GPRC5C: variants seen among roughly 807,000 people sequenced by gnomAD.
GPRC5C encodes G protein-coupled receptor family C group 5 member C.
In GPRC5C, 22 loss-of-function variants were observed where a neutral mutation model predicts 31.4. The ratio of observed to expected loss-of-function variants is 0.70; its 90% confidence interval spans 0.50 to 1.00. GPRC5C has a LOEUF of 1.00. Among genes scored for constraint, GPRC5C ranks in the 50% least tolerant of loss-of-function variants. GPRC5C has a pLI of 0.00. For synonymous variants in GPRC5C, 249 were observed against 257.5 expected (o/e 0.97, Z 0.32); for missense variants, 557 against 597.2 (o/e 0.93, Z 0.70).
At chr17:74,444,610 C>A (rs1220980163) in intron 3 of GPRC5C, among the ~76,000 whole-genome samples, 1 of 152,178 alleles carries the variant, frequency 6.6e-6, no homozygotes, top group East Asian at 1.9e-4. Flanking sequence ...TCATCCCCCT[C>A]CCCGCCCTCT....
downstream of GPRC5C, among the ~76,000 whole-genome samples, chr17:74,447,964 G>A (rs1435610253): frequency 6.6e-6 from 1 of 152,206 alleles, no homozygotes; most frequent in East Asian, 1.9e-4. Flanking sequence ...TGACAAAAGT[G>A]CAAAGGGTTG....
intron 3 of GPRC5C, among the ~76,000 whole-genome samples, chr17:74,444,272 C>T (rs1226931592): frequency 6.6e-6 from 1 of 152,146 alleles, no homozygotes; most frequent in Non-Finnish European, 1.5e-5. Flanking sequence ...AGGGTCTCAG[C>T]CAGGTGCTCC....
Position 74,447,243 on chromosome 17 carries a change from C to A in GPRC5C, c.*215C>A. 7.6e-7 allele frequency: 1 copy of A among 1,308,092 alleles called. No homozygotes were observed. The allele number at this position is 1,308,092 out of a possible 1,614,324, so 81.0% of individuals were successfully genotyped here. On this transcript the variant is annotated 3_prime_UTR_variant, in exon 4 of 4. Transcript: ENST00000392627. ...TGTGGAGTCGAGGAGCCAACCCCAG[C>A]CTCCTGCCAGGATCACCTCGGCGGT...
intron 1 of GPRC5C, chr17:74,432,607 A>G (rs57063902): frequency 0.062 from 46,975 of 753,404 alleles, 8,989 homozygotes; most frequent in African/African-American, 0.56. Flanking sequence ...AGGCGGGGGG[A>G]CTGGACATCC....
At chr17:74,449,516 G>A (rs1464288701), downstream of GPRC5C, 4 of 398,028 alleles carry the variant, frequency 1.0e-5, no homozygotes, top group African/African-American at 4.2e-5. Context: ...GTGGGCCCCC[G>A]TGAAGCCCTG....
intron 1 of GPRC5C, among the ~76,000 whole-genome samples, chr17:74,439,378 T>C (rs2055490293): frequency 6.6e-6 from 1 of 152,142 alleles, no homozygotes; most frequent in African/African-American, 2.4e-5. Flanking sequence ...AGGTACTGGG[T>C]GGGTGGTATG....
chr17:74,438,160 AAGTAG>A lies in GPRC5C; in HGVS notation c.-32-1584_-32-1580del, dbSNP rs534811647. 5.8e-3 allele frequency among the ~76,000 whole-genome samples: 828 copies of A among 141,594 alleles called. 4 individuals carry two copies. Among genetic ancestry groups the A allele is most frequent in the Non-Finnish European group, 8.2e-3 (540 of 65,924 alleles). The allele number at this position is 141,594 out of a possible 152,430, so 92.9% of individuals were successfully genotyped here. ...GATGATCCTCTAACCTCAGCCTCCC[AAGTAG>A]CTCAGACTACAGGTGCATGCCACCA... On this transcript the variant is annotated intron_variant, in intron 1 of 3. Coordinates refer to ENST00000392627, the MANE Select transcript of GPRC5C (RefSeq NM_022036.4).
Position 74,440,309 on chromosome 17 carries a change from C to A in GPRC5C, c.533C>A (p.Thr178Asn). 1.9e-6 allele frequency: 3 copies of A among 1,614,204 alleles called. No homozygotes were observed. Among genetic ancestry groups the A allele is most frequent in the Non-Finnish European group, 2.5e-6 (3 of 1,180,026 alleles). The change falls in exon 2 of 4, where the codon ACC becomes AAC. Residue 178 changes from threonine (T) to asparagine (N), a missense_variant. By Grantham distance (65) the Thr-to-Asn change is moderately conservative (BLOSUM62 0). Transcript: ENST00000392627. This position sits in a 1 kb window ranked among gnomAD's most constrained non-coding sequence, Gnocchi z 4.4. ...VIINTEWLII[T>N]LVRGSGEGGP... ...ATCAATACAGAGTGGCTGATCATCA[C>A]CCTGGTTCGGGGCAGTGGCGAGGGC...
chr17:74,440,032 C>A lies in GPRC5C; in HGVS notation c.256C>A (p.Leu86Met), dbSNP rs2144420605. 1 of 1,611,076 alleles carries A rather than the reference C, an allele frequency of 6.2e-7. No homozygotes were observed. Among genetic ancestry groups the A allele is most frequent in the Non-Finnish European group, 8.5e-7 (1 of 1,180,024 alleles). ...PFVQDTKKRS[L>M]LGTQVFFLLG... ...TGTGCAGGACACCAAGAAACGGAGC[C>A]TGCTGGGGACCCAGGTATTCTTCCT... The change falls in exon 2 of 4, where the codon CTG (leucine) becomes ATG (methionine). Residue 86 changes from leucine to methionine, a missense_variant. Coordinates refer to ENST00000392627, the MANE Select transcript of GPRC5C (RefSeq NM_022036.4). The surrounding 1 kb of genome is among the most constrained non-coding windows in gnomAD (Gnocchi z 4.4).
chr17:74,447,162 C>G lies in GPRC5C; in HGVS notation c.*134C>G. 1 of 1,451,894 alleles carries G rather than the reference C, an allele frequency of 6.9e-7. No individual in the cohort carries two copies. Among genetic ancestry groups the G allele is most frequent in the South Asian group, 1.4e-5 (1 of 69,278 alleles). The allele number at this position is 1,451,894 out of a possible 1,614,324, so 89.9% of individuals were successfully genotyped here. A position where few individuals can be genotyped will look rare whatever the true frequency, so the allele number is the denominator to read the frequency against. ...GTGCCCCAGATCTGGAAGGGCCTCC[C>G]TCTCTGCCAGTGTTTGGGTGGGTGT... On this transcript the variant is annotated 3_prime_UTR_variant, in exon 4 of 4. Transcript: ENST00000392627.
chr17:74,432,177 T>C, intron 1 of GPRC5C, 36 bp downstream of exon 1: 2 of 1,593,784 alleles, frequency 1.3e-6, no homozygotes, highest in Non-Finnish European at 8.5e-7. Flanking sequence ...CAGGCTTTGT[T>C]CCTGTGTAAA....
In GPRC5C at chr17:74,440,139, C is replaced by A. The variant is rs1471766671; in HGVS notation, c.363C>A (p.Phe121Leu). Residue 121 changes from phenylalanine to leucine, a missense_variant, in exon 2 of 4, where the codon TTC becomes TTA. Transcript: ENST00000392627. The surrounding 1 kb of genome is among the most constrained non-coding windows in gnomAD (Gnocchi z 4.4). ...TCTCCACCTGTGCCTCTCGGCGCTT[C>A]CTCTTTGGGGTTCTGTTCGCCATCT... ...PDFSTCASRRFLFGVLFAICF... is the reference protein window; with the variant it reads ...PDFSTCASRRLLFGVLFAICF... The A allele has an allele frequency of 3.1e-6, 5 of 1,614,212 alleles. No individual in the cohort carries two copies. In the Admixed American group the frequency reaches 5.0e-5, roughly 16 times the overall value.
In GPRC5C at chr17:74,440,937, T is replaced by A; in HGVS notation, c.1051+110T>A. On this transcript the variant is annotated intron_variant, in intron 2 of 3. Transcript: ENST00000392627. This position sits in a 1 kb window ranked among gnomAD's most constrained non-coding sequence, Gnocchi z 4.4. The stretch of plus-strand genomic sequence containing the variant: ...AATGGAAAGTTTTTGAGGTTTTCTG[T>A]AGTTTTCTGCCTAAGTGTCTCTAAA... 1 of 979,536 alleles carries A rather than the reference T, an allele frequency of 1.0e-6. No homozygotes were observed. Among genetic ancestry groups the A allele is most frequent in the Non-Finnish European group, 1.4e-6 (1 of 724,490 alleles). The allele number at this position is 979,536 out of a possible 1,614,324, so 60.7% of individuals were successfully genotyped here. A position where few individuals can be genotyped will look rare whatever the true frequency, so the allele number is the denominator to read the frequency against.
chr17:74,439,846 CAGGGCCATGT>C lies in GPRC5C; in HGVS notation c.71_80del (p.Gln24ProfsTer83). 2 of 1,613,624 alleles carry C rather than the reference CAGGGCCATGT, an allele frequency of 1.2e-6. No individual in the cohort carries two copies. Among genetic ancestry groups the C allele is most frequent in the Non-Finnish European group, 1.7e-6 (2 of 1,180,028 alleles). On this transcript the variant is annotated frameshift_variant, in exon 2 of 4. Transcript: ENST00000392627. LOFTEE classifies it high-confidence loss of function. Reference sequence around the variant, plus strand: ...CTTCCTGTTCCCAGGGGCCTGGGCCCAGGGCCATGTCCCACCCGGCTGCAGCCAAGGCCTC... The same window carrying C: ...CTTCCTGTTCCCAGGGGCCTGGGCCCCCCACCCGGCTGCAGCCAAGGCCTC...
chr17:74,444,720 G>C (rs534240538), intron 3 of GPRC5C, among the ~76,000 whole-genome samples: 1 of 152,342 alleles, frequency 6.6e-6, no homozygotes, highest in South Asian at 2.1e-4. Context: ...GGGCAGAGGA[G>C]AGCTTCCGGA....
rs1252616029 is a variant in GPRC5C at position 74,432,096 on chromosome 17, C to G, written c.-78C>G. The G allele has an allele frequency of 2.5e-6, 4 of 1,613,426 alleles. No individual in the cohort carries two copies. The highest frequency in any genetic ancestry group is 1.7e-5 in the Admixed American group (1 of 60,006). ...CACACGCCGGCAGGGCCAGAAACTCCCATCTCCCTCACCAGCCGGAAAGTA... is the reference window on the plus strand; with the variant it reads ...CACACGCCGGCAGGGCCAGAAACTCGCATCTCCCTCACCAGCCGGAAAGTA... On this transcript the variant is annotated 5_prime_UTR_variant, in exon 1 of 4. Coordinates refer to ENST00000392627, the MANE Select transcript of GPRC5C (RefSeq NM_022036.4).
intron 1 of GPRC5C, among the ~76,000 whole-genome samples, chr17:74,436,061 G>A (rs1477139818): frequency 6.6e-6 from 1 of 152,142 alleles, no homozygotes; most frequent in Admixed American, 6.5e-5. Flanking sequence ...GCGCAACCCT[G>A]GCTATGCCCC....
intron 3 of GPRC5C, chr17:74,446,104 GC>G (rs1297836462): frequency 6.6e-6 from 1 of 150,966 alleles, no homozygotes; most frequent in African/African-American, 2.4e-5. Context: ...CGCCAGGGAA[GC>G]CAGCAACTGT....
downstream of GPRC5C, chr17:74,450,162 A>T (rs1333352984): frequency 6.6e-6 from 1 of 152,362 alleles, no homozygotes; most frequent in Non-Finnish European, 1.5e-5. Flanking sequence ...TCCATCCAGC[A>T]GTACCTCATG....
Sources: allele counts gnomAD v4.1 joint callset (sites outside exome capture counted in the v4.1 genomes callset), GRCh38; gene constraint gnomAD v4.1.1; non-coding constraint Gnocchi (gnomAD v3.1); transcripts MANE v1.5; gene names NCBI Gene and HGNC (gene_info 2026-07-23, HGNC 2026-07-21).